ANXA11: variants seen among roughly 807,000 people sequenced by gnomAD.
The protein encoded by ANXA11 is annexin A11, also known as 56 kDa autoantigen.
In ANXA11, 57 loss-of-function variants were observed where a neutral mutation model predicts 64.7. That is an observed-to-expected ratio of 0.88 (90% CI 0.71 to 1.10). The LOEUF is 1.10. Among genes scored for constraint, ANXA11 ranks in the 50% least tolerant of loss-of-function variants. The probability of loss-of-function intolerance (pLI) is 0.00; values close to 1 mark genes in which losing one functional copy is unlikely to be tolerated. For missense variants in ANXA11, 675 were observed against 670.7 expected, an observed-to-expected ratio of 1.01 and a Z score of -0.07; for synonymous variants, 260 against 265.2, an observed-to-expected ratio of 0.98 and a Z score of 0.19.
intron 1 of ANXA11, among the ~76,000 whole-genome samples, chr10:80,183,917 G>T (rs1408096056): frequency 6.6e-6 from 1 of 152,196 alleles, no homozygotes; most frequent in Non-Finnish European, 1.5e-5. Context: ...GCAGGAGCTG[G>T]CCCCAGGGGA....
At chr10:80,201,313 T>G (rs981698409) in intron 1 of ANXA11, among the ~76,000 whole-genome samples, 3 of 152,096 alleles carry the variant, frequency 2.0e-5, no homozygotes, top group African/African-American at 7.2e-5. Context: ...CTCAGGTCGC[T>G]CTTTTTCTGG....
chr10:80,199,295 C>T (rs1310500514), intron 1 of ANXA11, among the ~76,000 whole-genome samples: 24 of 151,946 alleles, frequency 1.6e-4, no homozygotes, highest in Admixed American at 1.6e-3. Flanking sequence ...GGCGGGATTT[C>T]ACCGTGTTAG....
At chr10:80,171,343 G>A in intron 3 of ANXA11, 1 of 755,264 alleles carries the variant, frequency 1.3e-6, no homozygotes, top group Non-Finnish European at 1.6e-6. Context: ...GCGGGAGGGG[G>A]TTTGGCTGTT....
At chr10:80,199,159 C>T (rs182802833) in intron 1 of ANXA11, among the ~76,000 whole-genome samples, 5 of 150,098 alleles carry the variant, frequency 3.3e-5, no homozygotes, top group African/African-American at 1.2e-4. Context: ...TGCAGTGGCA[C>T]GATCTCGGCT....
chr10:80,195,037 G>T (rs1275644825), intron 1 of ANXA11, among the ~76,000 whole-genome samples: 1 of 152,184 alleles, frequency 6.6e-6, no homozygotes, highest in African/African-American at 2.4e-5. Context: ...TCTCACCACA[G>T]GCTGAGGAAG....
At chr10:80,167,092 C>A in intron 6 of ANXA11, 108 bp from the exon 7 acceptor site, 1 of 1,254,248 alleles carries the variant, frequency 8.0e-7, no homozygotes, top group Non-Finnish European at 1.1e-6. Flanking sequence ...GCTAGCCATA[C>A]CCCCACATCC....
intron 5 of ANXA11, 128 bp downstream of exon 5, chr10:80,168,841 C>T: frequency 8.9e-7 from 1 of 1,124,990 alleles, no homozygotes; most frequent in South Asian, 2.0e-5. Flanking sequence ...CCGGCCGACA[C>T]TATTTGTTAA....
intron 8 of ANXA11, 36 bp downstream of exon 8, chr10:80,166,048 A>ACACACACACG: frequency 2.7e-6 from 1 of 375,214 alleles, no homozygotes; most frequent in Non-Finnish European, 4.0e-6. Context: ...GCGCGCACAC[A>ACACACACACG]CACACACACA....
intron 11 of ANXA11, 131 bp from the exon 12 acceptor site, chr10:80,162,159 A>G: frequency 1.4e-6 from 1 of 698,288 alleles, no homozygotes; most frequent in Non-Finnish European, 2.4e-6. Flanking sequence ...CCTCTGAACT[A>G]GATGGCCTCT....
At chr10:80,173,385 G>A (rs1428652782) in intron 2 of ANXA11, among the ~76,000 whole-genome samples, 4 of 152,238 alleles carry the variant, frequency 2.6e-5, no homozygotes, top group Admixed American at 2.0e-4. Context: ...ACCTGGTAAG[G>A]TATGGAATCA....
Position 80,191,248 on chromosome 10 carries a change from C to A in ANXA11, c.-58+14095G>T, listed in dbSNP as rs184248414. On this transcript the variant is annotated intron_variant, in intron 1 of 15. Coordinates refer to ENST00000422982, the MANE Select transcript of ANXA11 (RefSeq NM_145868.2). ...CTCAAAATAAAATAAAATTAAAATT[C>A]AAAAATTAGCCAGGCATGGTGGCAC... Among the ~76,000 whole-genome samples the A allele has an allele frequency of 4.3e-3, 646 of 151,596 alleles. 5 individuals are homozygous for A. The highest frequency in any genetic ancestry group is 0.015 in the African/African-American group (603 of 41,364).
intron 4 of ANXA11, among the ~76,000 whole-genome samples, chr10:80,169,573 T>C (rs1172010582): frequency 6.6e-6 from 1 of 152,158 alleles, no homozygotes; most frequent in Non-Finnish European, 1.5e-5. Context: ...CCAGAGATCC[T>C]CATCCCCTTC....
intron 1 of ANXA11, among the ~76,000 whole-genome samples, chr10:80,189,647 TATCCAAAATCCAAAA>T (rs1442945705): frequency 3.9e-5 from 6 of 152,256 alleles, no homozygotes; most frequent in African/African-American, 1.4e-4. Context: ...TACCATTGTG[TATCCAAAATCCAAAA>T]ATCCAAAATC....
chr10:80,186,147 T>C (rs1208577559), intron 1 of ANXA11, among the ~76,000 whole-genome samples: 1 of 152,164 alleles, frequency 6.6e-6, no homozygotes, highest in African/African-American at 2.4e-5. Flanking sequence ...ATCTGTAAAA[T>C]GGGGATATTA....
intron 1 of ANXA11, among the ~76,000 whole-genome samples, chr10:80,201,203 C>G (rs1048800815): frequency 1.3e-5 from 2 of 152,196 alleles, no homozygotes; most frequent in African/African-American, 2.4e-5. Context: ...TCCTCCATAT[C>G]ACTCACCACA....
At chr10:80,193,756 G>A (rs1846872670) in intron 1 of ANXA11, among the ~76,000 whole-genome samples, 1 of 146,638 alleles carries the variant, frequency 6.8e-6, no homozygotes, top group African/African-American at 2.5e-5. Context: ...GGGCTGCAGT[G>A]AGCCAAGATC....
intron 1 of ANXA11, among the ~76,000 whole-genome samples, chr10:80,200,465 A>G (rs1840371273): frequency 6.6e-6 from 1 of 152,256 alleles, no homozygotes; most frequent in African/African-American, 2.4e-5. Flanking sequence ...AATGACAGGT[A>G]GGAAGATCAG....
intron 12 of ANXA11, among the ~76,000 whole-genome samples, chr10:80,159,533 T>C (rs1845423398): frequency 6.6e-6 from 1 of 152,006 alleles, no homozygotes; most frequent in Non-Finnish European, 1.5e-5. Context: ...ACAAAATGAG[T>C]ATCTGCTGCT....
At chr10:80,183,855 G>A (rs1208818082) in intron 1 of ANXA11, among the ~76,000 whole-genome samples, 2 of 152,220 alleles carry the variant, frequency 1.3e-5, no homozygotes, top group East Asian at 3.8e-4. Flanking sequence ...TAACTATGAA[G>A]ACGAGGGAAG....
Sources: gnomAD v4.1 joint callset for allele counts (sites outside exome capture counted in the v4.1 genomes callset) on GRCh38, gnomAD v4.1.1 for gene constraint, MANE v1.5 for transcripts, NCBI Gene and HGNC (gene_info 2026-07-23, HGNC 2026-07-21) for gene names.